Variants in PCDHGA2 observed in about 807,000 individuals in gnomAD.
PCDHGA2 encodes the protein protocadherin gamma-A2.
A neutral mutation model predicts 59.2 loss-of-function variants in PCDHGA2; 40 were observed. That is an observed-to-expected ratio of 0.68 (90% CI 0.52 to 0.88). The LOEUF (loss-of-function observed/expected upper bound fraction) is 0.88, where lower values mean the gene tolerates loss of function less well. Among genes scored for constraint, PCDHGA2 ranks in the 40% least tolerant of loss-of-function variants. PCDHGA2 has a pLI of 0.00. For synonymous variants in PCDHGA2, 560 were observed against 526.0 expected, an observed-to-expected ratio of 1.06 and a Z score of -0.89; for missense variants, 1,226 against 1,204.0, an observed-to-expected ratio of 1.02 and a Z score of -0.27.
chr5:141,509,056 G>C (rs1303823294), intron 3 of PCDHGA2, among the ~76,000 whole-genome samples: 1 of 152,178 alleles, frequency 6.6e-6, no homozygotes, highest in Non-Finnish European at 1.5e-5. Flanking sequence ...CCCCCAGAAA[G>C]CTCTCAGCTC....
Position 141,374,740 on chromosome 5 carries a change from C to T in PCDHGA2, c.2424+33345C>T, listed in dbSNP as rs1337639511. On this transcript the variant is annotated intron_variant, in intron 1 of 3. Transcript: ENST00000394576. ...TCCTTACTGCCATGGATGGCGGCGA[C>T]CCTGTCCGCTCAAGCGTCGCCCAAA... 7 of 1,611,592 alleles carry T rather than the reference C, an allele frequency of 4.3e-6. No homozygotes were observed. In the South Asian group the frequency reaches 6.6e-5, roughly 15 times the overall value.
chr5:141,473,193 A>G (rs938175797), intron 1 of PCDHGA2, among the ~76,000 whole-genome samples: 2 of 152,232 alleles, frequency 1.3e-5, no homozygotes, highest in African/African-American at 4.8e-5. Flanking sequence ...GAGTAAATGT[A>G]TCTTCTAAAA....
chr5:141,350,246 C>T lies in PCDHGA2; in HGVS notation c.2424+8851C>T, dbSNP rs146299808. On this transcript the variant is annotated intron_variant, in intron 1 of 3. Transcript: ENST00000394576. ...AACATCCCAGAGGAAAGAAGCTCCGCGGAGAGTTCCTGAAATGCAGAGAGC... is the reference window on the plus strand; with the variant it reads ...AACATCCCAGAGGAAAGAAGCTCCGTGGAGAGTTCCTGAAATGCAGAGAGC... 2.7e-6 allele frequency: 4 copies of T among 1,505,942 alleles called. No homozygotes were observed. The South Asian group carries it at 4.2e-5, about 16-fold the overall frequency. The allele number at this position is 1,505,942 out of a possible 1,614,324, so 93.3% of individuals were successfully genotyped here.
chr5:141,430,975 G>A (rs776670383), intron 1 of PCDHGA2: 2 of 1,613,208 alleles, frequency 1.2e-6, no homozygotes, highest in Admixed American at 1.7e-5. Flanking sequence ...GAGGTAGGAC[G>A]CAGCTTTTCG....
intron 1 of PCDHGA2, chr5:141,419,308 C>G: frequency 6.2e-7 from 1 of 1,614,026 alleles, no homozygotes; most frequent in Non-Finnish European, 8.5e-7. Flanking sequence ...ACTTCGGGCT[C>G]AACGGCCGTG....
intron 1 of PCDHGA2, among the ~76,000 whole-genome samples, chr5:141,381,074 T>C (rs1776971630): frequency 6.6e-6 from 1 of 152,250 alleles, no homozygotes; most frequent in Non-Finnish European, 1.5e-5. Flanking sequence ...AACTATGGAT[T>C]ATTTTGATAG....
At chr5:141,348,779 A>C (rs532009905) in intron 1 of PCDHGA2, among the ~76,000 whole-genome samples, 1 of 152,352 alleles carries the variant, frequency 6.6e-6, no homozygotes, top group Non-Finnish European at 1.5e-5. Flanking sequence ...GCAAGGAAAC[A>C]AGTGAAAAGG....
At chr5:141,372,421 G>A (rs1406028554) in intron 1 of PCDHGA2, 2 of 1,614,058 alleles carry the variant, frequency 1.2e-6, no homozygotes, top group Non-Finnish European at 1.7e-6. Context: ...CCTGACCTTA[G>A]CGACCGCCCC....
At chr5:141,428,021 C>G (rs1185050109) in intron 1 of PCDHGA2, 1 of 1,605,486 alleles carries the variant, frequency 6.2e-7, no homozygotes, top group Admixed American at 1.7e-5. Flanking sequence ...TGCCACGCGC[C>G]GCAGAGTCCG....
intron 1 of PCDHGA2, chr5:141,409,804 C>T (rs766279863): frequency 6.2e-7 from 1 of 1,611,772 alleles, no homozygotes; most frequent in South Asian, 1.1e-5. Context: ...CGCTGCAGGC[C>T]CGCGACCACG....
At position 141,491,952 on chromosome 5, in the gene PCDHGA2, C is replaced by A; in HGVS notation, c.2425-2855C>A. 9.4e-7 allele frequency: 1 copy of A among 1,062,954 alleles called. No homozygotes were observed. The allele number at this position is 1,062,954 out of a possible 1,614,324, so 65.8% of individuals were successfully genotyped here. On this transcript the variant is annotated intron_variant, in intron 1 of 3. Coordinates refer to ENST00000394576, the MANE Select transcript of PCDHGA2 (RefSeq NM_018915.4). The surrounding 1 kb of genome is among the most constrained non-coding windows in gnomAD (Gnocchi z 6.9). ...GGTGGGACCGACCCCCACCCCTACA[C>A]TCAAAAAAGGCCGGGGCCTCCTTCG...
At chr5:141,359,801 T>A (rs1761323974) in intron 1 of PCDHGA2, among the ~76,000 whole-genome samples, 1 of 152,190 alleles carries the variant, frequency 6.6e-6, no homozygotes, top group Non-Finnish European at 1.5e-5. Context: ...TCTTTTGAAT[T>A]TGGAACTATA....
At chr5:141,445,268 C>A (rs2098461653) in intron 1 of PCDHGA2, among the ~76,000 whole-genome samples, 1 of 152,170 alleles carries the variant, frequency 6.6e-6, no homozygotes, top group Non-Finnish European at 1.5e-5. Flanking sequence ...TAAGTCGAAA[C>A]CACTCTGCAT....
chr5:141,358,728 A>C (rs1761003204), intron 1 of PCDHGA2, among the ~76,000 whole-genome samples: 1 of 152,196 alleles, frequency 6.6e-6, no homozygotes, highest in African/African-American at 2.4e-5. Flanking sequence ...GGAAAATATA[A>C]GTTTTTGGAG....
chr5:141,425,243 G>T (rs2096863760), intron 1 of PCDHGA2, among the ~76,000 whole-genome samples: 1 of 152,132 alleles, frequency 6.6e-6, no homozygotes, highest in Non-Finnish European at 1.5e-5. Flanking sequence ...AAATAAAAAG[G>T]ATATGAGGTA....
intron 1 of PCDHGA2, among the ~76,000 whole-genome samples, chr5:141,447,749 T>G (rs1462661604): frequency 6.6e-6 from 1 of 152,196 alleles, no homozygotes; most frequent in Non-Finnish European, 1.5e-5. Context: ...GAGTCTTGCA[T>G]GTGACTGTAT....
intron 1 of PCDHGA2, chr5:141,350,286 T>G: frequency 6.6e-7 from 1 of 1,510,806 alleles, no homozygotes; most frequent in Non-Finnish European, 8.8e-7. Flanking sequence ...GAAGCCGAAA[T>G]GATGAAAAGT....
At chr5:141,383,607 T>C in intron 1 of PCDHGA2, 1 of 1,613,780 alleles carries the variant, frequency 6.2e-7, no homozygotes, top group South Asian at 1.1e-5. Flanking sequence ...TGGATGTGAA[T>C]GACCACACGC....
Position 141,341,252 on chromosome 5 carries a change from G to T in PCDHGA2, c.2281G>T (p.Ala761Ser). ...CTATTCCCACGAGGTCTCCCTCACTGCGGACTCGCGGAAGAGCCACCTGAT... is the reference window on the plus strand; with the variant it reads ...CTATTCCCACGAGGTCTCCCTCACTTCGGACTCGCGGAAGAGCCACCTGAT... ...QTYSHEVSLT[A>S]DSRKSHLIFP... The change falls in exon 1 of 4, where the codon GCG becomes TCG. Residue 761 changes from alanine to serine, a missense_variant. By Grantham distance (99) the Ala-to-Ser change is moderately conservative (BLOSUM62 1). Coordinates refer to ENST00000394576, the MANE Select transcript of PCDHGA2 (RefSeq NM_018915.4). 1.2e-6 allele frequency: 2 copies of T among 1,614,184 alleles called. No homozygotes were observed. Among genetic ancestry groups the T allele is most frequent in the South Asian group, 2.2e-5 (2 of 91,090 alleles).
Sources: allele counts gnomAD v4.1 joint callset (sites outside exome capture counted in the v4.1 genomes callset), GRCh38; gene constraint gnomAD v4.1.1; non-coding constraint Gnocchi (gnomAD v3.1); transcripts MANE v1.5; gene names NCBI Gene and HGNC (gene_info 2026-07-23, HGNC 2026-07-21).